MOB3C: variants seen among roughly 807,000 people sequenced by gnomAD.
MOB3C encodes MOB kinase activator 3C, also known as MOB1, Mps One Binder kinase activator-like 2C.
In MOB3C, 17 loss-of-function variants were observed where a neutral mutation model predicts 19.8. That is an observed-to-expected ratio of 0.86 (90% CI 0.59 to 1.29). MOB3C has a LOEUF of 1.29. MOB3C is among the 50% of genes most tolerant of loss of function. The pLI is 0.00. For missense variants in MOB3C, 291 were observed against 301.9 expected (o/e 0.96, Z 0.27); for synonymous variants, 101 against 119.2 (o/e 0.85, Z 0.99).
Position 46,611,022 on chromosome 1 carries a change from AG to A in MOB3C, c.419-819del, listed in dbSNP as rs1675456318. ...TGATCTTATCCTGACCTCCCTCTCTAGCCCCACCCCATGTCCCTCCTCTTTT... is the reference window on the plus strand; with the variant it reads ...TGATCTTATCCTGACCTCCCTCTCTACCCCACCCCATGTCCCTCCTCTTTT... On this transcript the variant is annotated intron_variant, in intron 2 of 3. Transcript: ENST00000319928. The surrounding 1 kb of genome is among the most constrained non-coding windows in gnomAD (Gnocchi z 4.1). Among the ~76,000 whole-genome samples the A allele has an allele frequency of 6.6e-6, 1 of 152,090 alleles. No homozygotes were observed. Among genetic ancestry groups the A allele is most frequent in the African/African-American group, 2.4e-5 (1 of 41,426 alleles).
In MOB3C at chr1:46,613,240, A is replaced by C; in HGVS notation, c.82T>G (p.Phe28Val). The change falls in exon 2 of 4, where the codon TTT becomes GTT. Residue 28 changes from phenylalanine (F) to valine (V), a missense_variant. Transcript: ENST00000319928. ...RKRFEPGTQR[F>V]ELYKKAQASL... ...GCCTGTGCCTTCTTGTACAGCTCAA[A>C]GCGCTGTGTGCCCGGCTCAAAGCGC... The C allele has an allele frequency of 6.2e-7, 1 of 1,614,072 alleles. No individual in the cohort carries two copies. The highest frequency in any genetic ancestry group is 8.5e-7 in the Non-Finnish European group (1 of 1,180,034).
At chr1:46,610,634 C>T (rs998932533) in intron 2 of MOB3C, among the ~76,000 whole-genome samples, 3 of 152,158 alleles carry the variant, frequency 2.0e-5, no homozygotes, top group Admixed American at 6.5e-5. Flanking sequence ...CCACCTGCCT[C>T]GTCCTCCTAA....
chr1:46,613,028 G>T lies in MOB3C; in HGVS notation c.294C>A (p.Tyr98Ter). Residue 98 changes from tyrosine (Y) to a stop codon, truncating the protein, a stop_gained, in exon 2 of 4, where the codon TAC (tyrosine) becomes TAA (stop). Transcript: ENST00000319928. LOFTEE classifies it high-confidence loss of function. ...GGTACTGGCGCTCGTCCTGCCAGCG[G>T]TACTCGTAGCGGGGCCCGCCGGCCA... Reference protein sequence around the residue: ...PVMAGGPRYEYRWQDERQYRR... With the variant: ...PVMAGGPRYE The T allele has an allele frequency of 6.2e-7, 1 of 1,613,942 alleles. No homozygotes were observed. Among genetic ancestry groups the T allele is most frequent in the Non-Finnish European group, 8.5e-7 (1 of 1,179,930 alleles).
Position 46,611,452 on chromosome 1 carries a change from G to A in MOB3C, c.419-1248C>T, listed in dbSNP as rs1227328690. 6.6e-6 allele frequency among the ~76,000 whole-genome samples: 1 copy of A among 152,182 alleles called. No homozygotes were observed. Among genetic ancestry groups the A allele is most frequent in the Non-Finnish European group, 1.5e-5 (1 of 68,026 alleles). ...CAAGGCAGAGATCTTGGTGGCTTAT[G>A]CCCTCTTCTCTGTGTGGCAGTCACC... On this transcript the variant is annotated intron_variant, in intron 2 of 3. Coordinates refer to ENST00000319928, the MANE Select transcript of MOB3C (RefSeq NM_201403.3). This position sits in a 1 kb window ranked among gnomAD's most constrained non-coding sequence, Gnocchi z 4.1.
At chr1:46,615,421 T>G (rs1570382758) in intron 1 of MOB3C, 2 of 268,606 alleles carry the variant, frequency 7.4e-6, no homozygotes, top group Admixed American at 9.8e-5. Flanking sequence ...TCTCCTTGGG[T>G]AGAGGCTGCT....
chr1:46,609,995 GC>G lies in MOB3C; in HGVS notation c.621+6del. 6.2e-7 allele frequency: 1 copy of G among 1,614,156 alleles called. No individual in the cohort carries two copies. The highest frequency in any genetic ancestry group is 2.2e-5 in the East Asian group (1 of 44,884). ...TGGTAGGGGAGGGTGGTAGGGCTTG[GC>G]CTCACCAGTGGCTCCAGCTCCCGCT... On this transcript the variant is annotated splice_donor_region_variant and intron_variant, in intron 3 of 3. Transcript: ENST00000319928.
rs1165476268 is a variant in MOB3C at position 46,608,444 on chromosome 1, C to G, written c.*1211G>C. ...GCGTATAGGGCTGGGTATGGAGGTACTGAGTAATGGAGTGCTGCGTGAACA... is the reference window on the plus strand; with the variant it reads ...GCGTATAGGGCTGGGTATGGAGGTAGTGAGTAATGGAGTGCTGCGTGAACA... On this transcript the variant is annotated 3_prime_UTR_variant, in exon 4 of 4. Transcript: ENST00000319928. This position sits in a 1 kb window ranked among gnomAD's most constrained non-coding sequence, Gnocchi z 4.5. The G allele has an allele frequency of 6.5e-6, 1 of 152,678 alleles. No homozygotes were observed. The highest frequency in any genetic ancestry group is 1.5e-5 in the Non-Finnish European group (1 of 68,078). 9.5% of individuals were successfully genotyped at this position (152,678 alleles called of 1,614,324 possible). A position where few individuals can be genotyped will look rare whatever the true frequency, so the allele number is the denominator to read the frequency against.
chr1:46,610,298 T>C (rs1675444045), intron 2 of MOB3C, 94 bp from the exon 3 acceptor site: 4 of 1,127,414 alleles, frequency 3.5e-6, no homozygotes, highest in Admixed American at 3.9e-5. Context: ...CAGGATGGCT[T>C]TTTCCCCAGC....
chr1:46,614,855 C>G, intron 1 of MOB3C: 1 of 718,342 alleles, frequency 1.4e-6, no homozygotes, highest in Non-Finnish European at 2.3e-6. Flanking sequence ...AGACAAAGGT[C>G]CTTCCTTGAA....
At chr1:46,609,950 G>GA in intron 3 of MOB3C, 52 bp downstream of exon 3, 1 of 1,604,376 alleles carries the variant, frequency 6.2e-7, no homozygotes. Flanking sequence ...TTTTGGACGT[G>GA]AAAACTCAGA....
intron 1 of MOB3C, chr1:46,614,039 T>C (rs897346840): frequency 1.3e-5 from 2 of 152,302 alleles, no homozygotes; most frequent in African/African-American, 4.8e-5. Context: ...TGACAACAGC[T>C]GGAGATCCTT....
chr1:46,609,050 A>G lies in MOB3C; in HGVS notation c.*605T>C, dbSNP rs1169166848. 6.3e-6 allele frequency: 1 copy of G among 158,408 alleles called. No individual in the cohort carries two copies. Among genetic ancestry groups the G allele is most frequent in the Non-Finnish European group, 1.4e-5 (1 of 71,336 alleles). The allele number at this position is 158,408 out of a possible 1,614,324, so 9.8% of individuals were successfully genotyped here. A position where few individuals can be genotyped will look rare whatever the true frequency, so the allele number is the denominator to read the frequency against. ...ACCACATTTTTGTGCACTTACACAC[A>G]TGGTCAGATACACTGAGTGGGGACG... On this transcript the variant is annotated 3_prime_UTR_variant, in exon 4 of 4. Coordinates refer to ENST00000319928, the MANE Select transcript of MOB3C (RefSeq NM_201403.3).
intron 1 of MOB3C, chr1:46,615,715 G>A (rs1388032716): frequency 6.6e-6 from 1 of 152,260 alleles, no homozygotes; most frequent in Non-Finnish European, 1.5e-5. Flanking sequence ...TCATGACCAA[G>A]AGTAAAAGAC....
At position 46,609,605 on chromosome 1, in the gene MOB3C, C is replaced by T. The variant is rs1352828717; in HGVS notation, c.*50G>A. The T allele has an allele frequency of 6.2e-7, 1 of 1,613,176 alleles. No homozygotes were observed. Among genetic ancestry groups the T allele is most frequent in the Non-Finnish European group, 8.5e-7 (1 of 1,179,304 alleles). Reference sequence around the variant, plus strand: ...TCCTGGGGGTCCCCTCTGCCAGCCACCCTATGTTCAGATCGTCCATCTGAT... The same window carrying T: ...TCCTGGGGGTCCCCTCTGCCAGCCATCCTATGTTCAGATCGTCCATCTGAT... On this transcript the variant is annotated 3_prime_UTR_variant, in exon 4 of 4. Coordinates refer to ENST00000319928, the MANE Select transcript of MOB3C (RefSeq NM_201403.3).
In MOB3C at chr1:46,610,011, C is replaced by T; in HGVS notation, c.612G>A (p.Leu204=). The T allele has an allele frequency of 6.2e-7, 1 of 1,614,220 alleles. No homozygotes were observed. The highest frequency in any genetic ancestry group is 8.5e-7 in the Non-Finnish European group (1 of 1,180,054). ...REFSLVDQRE[L]EPLREMTERI... Reference sequence around the variant, plus strand: ...TAGGGCTTGGCCTCACCAGTGGCTCCAGCTCCCGCTGGTCCACCAGACTGA... The same window carrying T: ...TAGGGCTTGGCCTCACCAGTGGCTCTAGCTCCCGCTGGTCCACCAGACTGA... The change falls in exon 3 of 4, where the codon CTG becomes CTA. Residue 204 remains leucine, a synonymous_variant. Transcript: ENST00000319928.
chr1:46,609,415 A>C lies in MOB3C; in HGVS notation c.*240T>G. On this transcript the variant is annotated 3_prime_UTR_variant, in exon 4 of 4. Transcript: ENST00000319928. ...CTAGCCTACCCTACTCCCAGACTTCATGCCAGAGGTTTAACTCCACTTCCC... is the reference window on the plus strand; with the variant it reads ...CTAGCCTACCCTACTCCCAGACTTCCTGCCAGAGGTTTAACTCCACTTCCC... 3.3e-6 allele frequency: 2 copies of C among 599,394 alleles called. No individual in the cohort carries two copies. The highest frequency in any genetic ancestry group is 5.6e-5 in the Admixed American group (2 of 35,576). 37.1% of individuals were successfully genotyped at this position (599,394 alleles called of 1,614,324 possible). A position where few individuals can be genotyped will look rare whatever the true frequency, so the allele number is the denominator to read the frequency against.
intron 1 of MOB3C, chr1:46,613,633 T>C (rs1675514616): frequency 3.9e-6 from 2 of 511,502 alleles, no homozygotes; most frequent in African/African-American, 3.8e-5. Context: ...GCCTGGGCTC[T>C]AAACAGGTGC....
At chr1:46,614,938 C>A (rs1388805252) in intron 1 of MOB3C, 6 of 1,501,432 alleles carry the variant, frequency 4.0e-6, no homozygotes, top group Non-Finnish European at 5.6e-6. Flanking sequence ...ACAGGCCATT[C>A]AGCAGGAACT....
At chr1:46,609,976 G>A in intron 3 of MOB3C, 26 bp downstream of exon 3, 1 of 1,613,086 alleles carries the variant, frequency 6.2e-7, no homozygotes, top group South Asian at 1.1e-5. Flanking sequence ...GCCTTGGTAG[G>A]GGAGGGTGGT....
Sources: gnomAD v4.1 joint callset for allele counts (sites outside exome capture counted in the v4.1 genomes callset) on GRCh38, gnomAD v4.1.1 for gene constraint, Gnocchi (gnomAD v3.1) non-coding constraint, MANE v1.5 for transcripts, NCBI Gene and HGNC (gene_info 2026-07-23, HGNC 2026-07-21) for gene names.